The following TRDN variants were observed in gnomAD, a reference collection of about 807,000 sequenced individuals.
TRDN encodes triadin.
In TRDN, 161 loss-of-function variants were observed where a neutral mutation model predicts 149.7. The ratio of observed to expected loss-of-function variants is 1.08; its 90% CI spans 0.95 to 1.23. The LOEUF is 1.23. Ranked by LOEUF, TRDN falls within the 50% of genes most tolerant of loss-of-function variation. The pLI is 0.00. For missense variants in TRDN, 896 were observed against 823.5 expected (o/e 1.09, Z -1.08); for synonymous variants, 294 against 250.5 (o/e 1.17, Z -1.64).
chr6:123,512,416 G>T, intron 6 of TRDN, 54 bp from the exon 7 acceptor site: 1 of 1,096,598 alleles, frequency 9.1e-7, no homozygotes, highest in South Asian at 1.5e-5. Context: ...TCAAAACCAA[G>T]CTTTCTTTTG....
chr6:123,251,364 A>G (rs1229141810), intron 38 of TRDN, among the ~76,000 whole-genome samples: 1 of 152,158 alleles, frequency 6.6e-6, no homozygotes, highest in African/African-American at 2.4e-5. Flanking sequence ...GACTAGCACA[A>G]GATAAAATGT....
chr6:123,408,227 C>T (rs1043689007), intron 12 of TRDN, among the ~76,000 whole-genome samples: 2 of 152,222 alleles, frequency 1.3e-5, no homozygotes, highest in Non-Finnish European at 2.9e-5. Flanking sequence ...CATCCCAACA[C>T]TGTGCTCACA....
intron 22 of TRDN, 26 bp downstream of exon 22, chr6:123,337,593 A>G (rs979283481): frequency 8.8e-7 from 1 of 1,135,300 alleles, no homozygotes; most frequent in Admixed American, 3.0e-5. Flanking sequence ...TAAATTTGTA[A>G]TATTATATTA....
intron 24 of TRDN, among the ~76,000 whole-genome samples, chr6:123,284,006 A>ATATATATATAT (rs1427267027): frequency 1.3e-4 from 16 of 119,474 alleles, no homozygotes; most frequent in South Asian, 2.6e-4. Flanking sequence ...ATATATATGT[A>ATATATATATAT]ACAAACCTGC....
rs141702156 is a variant in TRDN, at chr6:123,315,905, A to G, written c.1510+552T>C. Among the ~76,000 whole-genome samples the G allele has an allele frequency of 2.1e-3, 318 of 152,036 alleles. 3 individuals carry two copies. Among genetic ancestry groups the G allele is most frequent in the East Asian group, 0.018 (92 of 5,172 alleles). ...AGAAAGTCTATTTTAAAAGTATTTC[A>G]GCTTTCAAATTAATGGCCAATAGGT... On this transcript the variant is annotated intron_variant, in intron 24 of 40. Transcript: ENST00000334268.
intron 22 of TRDN, among the ~76,000 whole-genome samples, chr6:123,335,078 A>G (rs374647413): frequency 6.6e-6 from 1 of 151,966 alleles, no homozygotes; most frequent in African/African-American, 2.4e-5. Context: ...TCCAAAAACA[A>G]TAACACTGCA....
chr6:123,511,200 C>G (rs1239794938), intron 7 of TRDN, among the ~76,000 whole-genome samples: 1 of 152,074 alleles, frequency 6.6e-6, no homozygotes, highest in Non-Finnish European at 1.5e-5. Context: ...TCTACATATA[C>G]AGTTTTCCTA....
intron 12 of TRDN, among the ~76,000 whole-genome samples, chr6:123,413,655 A>G (rs1179395217): frequency 2.0e-5 from 3 of 152,256 alleles, no homozygotes; most frequent in Middle Eastern, 3.4e-3. Context: ...GGTGTTTAAT[A>G]CAGCCAGTTG....
At chr6:123,464,376 TTGTG>T (rs1306960906) in intron 10 of TRDN, 1 of 973,742 alleles carries the variant, frequency 1.0e-6, no homozygotes, top group Non-Finnish European at 1.2e-6. Flanking sequence ...AAAACAGTAT[TTGTG>T]TGTGTGTGAG....
intron 1 of TRDN, among the ~76,000 whole-genome samples, chr6:123,581,156 A>C (rs1425323882): frequency 1.3e-5 from 2 of 152,186 alleles, no homozygotes; most frequent in Admixed American, 6.5e-5. Context: ...AAAGTGGCCA[A>C]AAGTTCCTGA....
rs193150864 is a variant in TRDN at position 123,399,828 on chromosome 6, C to G, written c.1052-6151G>C. Among the ~76,000 whole-genome samples, 409 of 152,176 alleles carry G rather than the reference C, an allele frequency of 2.7e-3. 3 individuals carry two copies. Among genetic ancestry groups the G allele is most frequent in the African/African-American group, 9.2e-3 (382 of 41,532 alleles). On this transcript the variant is annotated intron_variant, in intron 12 of 40. Transcript: ENST00000334268. ...TAAGACTTATCCTGGTAGTCCTCCA[C>G]TACTATAAAATAAGCATTCCTTTTG...
intron 22 of TRDN, among the ~76,000 whole-genome samples, chr6:123,336,978 C>T (rs1779896696): frequency 2.0e-5 from 3 of 151,832 alleles, no homozygotes; most frequent in Admixed American, 6.6e-5. Context: ...TGTATGTGGA[C>T]ATTATTCTTA....
intron 38 of TRDN, among the ~76,000 whole-genome samples, chr6:123,245,523 T>A (rs1429760417): frequency 6.6e-6 from 1 of 151,992 alleles, no homozygotes; most frequent in African/African-American, 2.4e-5. Flanking sequence ...GGTAAAGGGA[T>A]CAATGCAACA....
chr6:123,372,781 T>C (rs2114384259), intron 19 of TRDN, among the ~76,000 whole-genome samples: 1 of 151,588 alleles, frequency 6.6e-6, no homozygotes, highest in Middle Eastern at 3.4e-3. Flanking sequence ...CATCTACTTG[T>C]TGTGTCCTCT....
intron 4 of TRDN, among the ~76,000 whole-genome samples, chr6:123,530,920 A>G (rs1780222343): frequency 6.6e-6 from 1 of 151,960 alleles, no homozygotes; most frequent in Non-Finnish European, 1.5e-5. Context: ...TAAGAATGTC[A>G]TTTAGATTTA....
chr6:123,248,493 G>A (rs1776262687), intron 38 of TRDN, among the ~76,000 whole-genome samples: 1 of 152,072 alleles, frequency 6.6e-6, no homozygotes, highest in South Asian at 2.1e-4. Context: ...GGAGGCAGAA[G>A]TTGCACTGAG....
chr6:123,522,248 T>C (rs1450506419), intron 5 of TRDN, among the ~76,000 whole-genome samples: 1 of 152,158 alleles, frequency 6.6e-6, no homozygotes, highest in African/African-American at 2.4e-5. Flanking sequence ...TCTAGGAGCC[T>C]TCTTGGAAAA....
At chr6:123,237,404 C>T (rs1775826898) in intron 38 of TRDN, among the ~76,000 whole-genome samples, 2 of 152,072 alleles carry the variant, frequency 1.3e-5, no homozygotes, top group South Asian at 2.1e-4. Context: ...TAAGTGCCAC[C>T]ATGCCCGGCT....
chr6:123,483,464 G>T (rs188971533), intron 9 of TRDN, among the ~76,000 whole-genome samples: 163 of 152,046 alleles, frequency 1.1e-3, no homozygotes, highest in African/African-American at 3.6e-3. Context: ...TATTTGGGAT[G>T]AAAAAAATGG....
Sources: gnomAD v4.1 joint callset for allele counts (sites outside exome capture counted in the v4.1 genomes callset) on GRCh38, gnomAD v4.1.1 for gene constraint, MANE v1.5 for transcripts, NCBI Gene and HGNC (gene_info 2026-07-23, HGNC 2026-07-21) for gene names.